Variants in FAM107B observed in about 807,000 individuals in gnomAD.
The protein encoded by FAM107B is protein FAM107B.
Under a neutral mutation model 31.5 loss-of-function variants are expected in FAM107B, and 21 were observed. The observed-to-expected ratio is 0.67, with a 90% CI of 0.47 to 0.96. The LOEUF (loss-of-function observed/expected upper bound fraction) is 0.96. Ranked by LOEUF, FAM107B falls within the 40% of genes least tolerant of loss-of-function variation. FAM107B has a pLI of 0.00. For missense variants in FAM107B, 452 were observed against 377.1 expected (o/e 1.20, Z -1.64); for synonymous variants, 157 against 141.5 (o/e 1.11, Z -0.78).
intron 1 of FAM107B, among the ~76,000 whole-genome samples, chr10:14,759,790 C>T (rs192006237): frequency 1.3e-3 from 201 of 152,106 alleles, no homozygotes; most frequent in Admixed American, 0.01. Flanking sequence ...CGGTTCACTG[C>T]AACCTCCACC....
intron 1 of FAM107B, among the ~76,000 whole-genome samples, chr10:14,702,649 CAA>C (rs1455295412): frequency 1.3e-5 from 2 of 152,158 alleles, no homozygotes; most frequent in Admixed American, 1.3e-4. Context: ...TGCACCTGGC[CAA>C]AGTGTATTAT....
intron 3 of FAM107B, among the ~76,000 whole-genome samples, chr10:14,528,833 T>G (rs552063050): frequency 6.6e-6 from 1 of 152,342 alleles, no homozygotes; most frequent in African/African-American, 2.4e-5. Context: ...AAATATATTT[T>G]TGCAGAATAA....
chr10:14,659,360 G>A, intron 2 of FAM107B, among the ~76,000 whole-genome samples: 1 of 152,152 alleles, frequency 6.6e-6, no homozygotes, highest in East Asian at 1.9e-4. Flanking sequence ...AGAATTGCTG[G>A]TGGGGAGGGG....
chr10:14,565,255 T>C (rs1456972779), intron 2 of FAM107B, among the ~76,000 whole-genome samples: 1 of 152,068 alleles, frequency 6.6e-6, no homozygotes, highest in South Asian at 2.1e-4. Context: ...GACAAAGGAG[T>C]AGCAATGAAG....
chr10:14,706,641 G>C (rs1855526777), intron 1 of FAM107B, among the ~76,000 whole-genome samples: 1 of 152,140 alleles, frequency 6.6e-6, no homozygotes, highest in African/African-American at 2.4e-5. Context: ...GAATATGTAT[G>C]ACTATTGTGT....
chr10:14,677,515 G>A (rs1446943196), intron 1 of FAM107B, among the ~76,000 whole-genome samples: 1 of 152,156 alleles, frequency 6.6e-6, no homozygotes, highest in East Asian at 1.9e-4. Context: ...CAGCTACTCG[G>A]CAGGCTGAGG....
intron 1 of FAM107B, among the ~76,000 whole-genome samples, chr10:14,677,176 C>T (rs1854703666): frequency 6.6e-6 from 1 of 152,112 alleles, no homozygotes; most frequent in Non-Finnish European, 1.5e-5. Context: ...TCCCAGTGGC[C>T]TTTCCAGGAA....
intron 2 of FAM107B, among the ~76,000 whole-genome samples, chr10:14,600,278 C>A (rs1161674185): frequency 6.6e-6 from 1 of 152,218 alleles, no homozygotes; most frequent in Non-Finnish European, 1.5e-5. Context: ...TTACCTTCAG[C>A]AAGGACACTG....
chr10:14,714,409 G>T (rs376108728), intron 1 of FAM107B, among the ~76,000 whole-genome samples: 2 of 152,204 alleles, frequency 1.3e-5, no homozygotes, highest in African/African-American at 2.4e-5. Context: ...GGCTCAGGAC[G>T]CAGGGATGAT....
intron 1 of FAM107B, among the ~76,000 whole-genome samples, chr10:14,713,890 G>A (rs938469179): frequency 2.6e-5 from 4 of 152,288 alleles, no homozygotes; most frequent in African/African-American, 7.2e-5. Flanking sequence ...AACATGGATG[G>A]AGTTGGAGGT....
chr10:14,632,288 G>C lies in FAM107B; in HGVS notation c.469+35346C>G, dbSNP rs148886350. ...ACTCCAGACTCCAGCCTGGGGGACAGAGCGAGACTCTGTCTCAAAAAAAAA... is the reference window on the plus strand; with the variant it reads ...ACTCCAGACTCCAGCCTGGGGGACACAGCGAGACTCTGTCTCAAAAAAAAA... On this transcript the variant is annotated intron_variant, in intron 2 of 4. Transcript: ENST00000181796. Among the ~76,000 whole-genome samples the C allele has an allele frequency of 2.1e-3, 226 of 109,664 alleles. 1 individual carries two copies. Among genetic ancestry groups the C allele is most frequent in the African/African-American group, 6.8e-3 (189 of 27,940 alleles). The allele number at this position is 109,664 out of a possible 152,430, so 71.9% of individuals were successfully genotyped here. A position where few individuals can be genotyped will look rare whatever the true frequency, so the allele number is the denominator to read the frequency against.
At chr10:14,761,226 G>T (rs1252237235) in intron 1 of FAM107B, among the ~76,000 whole-genome samples, 2 of 152,072 alleles carry the variant, frequency 1.3e-5, no homozygotes, top group African/African-American at 4.8e-5. Flanking sequence ...TTTCATGGGG[G>T]CCTAATATGT....
At chr10:14,767,811 T>C (rs1833215269) in intron 1 of FAM107B, among the ~76,000 whole-genome samples, 1 of 152,150 alleles carries the variant, frequency 6.6e-6, no homozygotes, top group Non-Finnish European at 1.5e-5. Context: ...TATTGTAAGT[T>C]TCCACCAGAG....
At chr10:14,584,745 A>C (rs1851769753) in intron 2 of FAM107B, among the ~76,000 whole-genome samples, 1 of 152,108 alleles carries the variant, frequency 6.6e-6, no homozygotes. Flanking sequence ...AACTTTCCAC[A>C]CCTATGTAAC....
intron 2 of FAM107B, chr10:14,612,584 T>G (rs1852751081): frequency 1.3e-5 from 2 of 152,246 alleles, no homozygotes; most frequent in Admixed American, 6.5e-5. Flanking sequence ...GGCACCTGCT[T>G]TTCTCAGCTC....
chr10:14,741,715 CTTT>C (rs769614377), intron 1 of FAM107B, among the ~76,000 whole-genome samples: 3 of 114,434 alleles, frequency 2.6e-5, no homozygotes, highest in Middle Eastern at 6.0e-3. Flanking sequence ...GCATAACTCC[CTTT>C]TTTTTTTTTT....
Position 14,758,873 on chromosome 10 carries a change from G to GAAAAAAAA in FAM107B, c.411+15372_411+15379dup, listed in dbSNP as rs57967855. 7.4e-4 allele frequency among the ~76,000 whole-genome samples: 29 copies of GAAAAAAAA among 38,968 alleles called. 1 individual carries two copies. Among genetic ancestry groups the GAAAAAAAA allele is most frequent in the Non-Finnish European group, 5.3e-4 (11 of 20,636 alleles). 25.6% of individuals were successfully genotyped at this position (38,968 alleles called of 152,430 possible). A position where few individuals can be genotyped will look rare whatever the true frequency, so the allele number is the denominator to read the frequency against. On this transcript the variant is annotated intron_variant, in intron 1 of 4. Coordinates refer to ENST00000181796, the MANE Select transcript of FAM107B (RefSeq NM_031453.4). ...TGGGCAACAAAGCAAGACCCTCTCAGAAAAAAAAAAAAAAAAAAAAAAAAG... is the reference window on the plus strand; with the variant it reads ...TGGGCAACAAAGCAAGACCCTCTCAGAAAAAAAAAAAAAAAAAAAAAAAAAAAAAAAAG...
chr10:14,730,442 C>A (rs1435295059), intron 1 of FAM107B, among the ~76,000 whole-genome samples: 2 of 151,940 alleles, frequency 1.3e-5, no homozygotes, highest in Non-Finnish European at 2.9e-5. Context: ...GGTGTCAGGG[C>A]AATTCACATA....
intron 1 of FAM107B, chr10:14,723,753 G>GCT: frequency 1.3e-6 from 1 of 757,878 alleles, no homozygotes. Flanking sequence ...GGGTGAAGTG[G>GCT]CCAGCAATTA....
Sources: allele counts gnomAD v4.1 joint callset (sites outside exome capture counted in the v4.1 genomes callset), GRCh38; gene constraint gnomAD v4.1.1; transcripts MANE v1.5; gene names NCBI Gene and HGNC (gene_info 2026-07-23, HGNC 2026-07-21).